ZDHHC2: variants seen among roughly 807,000 people sequenced by gnomAD.
ZDHHC2 encodes zDHHC palmitoyltransferase 2.
In ZDHHC2, 51 loss-of-function variants were observed where a neutral mutation model predicts 55.6. That is an observed-to-expected ratio of 0.92 (90% CI 0.73 to 1.16). The LOEUF (loss-of-function observed/expected upper bound fraction) is 1.16. ZDHHC2 is among the 50% of genes most tolerant of loss of function. ZDHHC2 has a pLI of 0.00. For synonymous variants in ZDHHC2, 199 were observed against 152.9 expected (o/e 1.30, Z -2.22); for missense variants, 491 against 442.4 (o/e 1.11, Z -0.99).
At chr8:17,163,763 C>T (rs1362737930) in intron 1 of ZDHHC2, among the ~76,000 whole-genome samples, 1 of 152,064 alleles carries the variant, frequency 6.6e-6, no homozygotes, top group Admixed American at 6.5e-5. Flanking sequence ...GGCATAGATT[C>T]TTAATGCTGT....
chr8:17,203,329 C>T (rs2150935617), intron 6 of ZDHHC2, among the ~76,000 whole-genome samples: 1 of 152,288 alleles, frequency 6.6e-6, no homozygotes, highest in South Asian at 2.1e-4. Context: ...CTCCTGGGTT[C>T]AAGTGCTTCT....
intron 6 of ZDHHC2, among the ~76,000 whole-genome samples, chr8:17,203,035 CATT>C: frequency 6.8e-6 from 1 of 147,940 alleles, no homozygotes; most frequent in South Asian, 2.2e-4. Flanking sequence ...GTCCACAAGT[CATT>C]ATTTACACCC....
At chr8:17,158,949 T>G (rs1427116487) in intron 1 of ZDHHC2, among the ~76,000 whole-genome samples, 1 of 152,252 alleles carries the variant, frequency 6.6e-6, no homozygotes, top group Non-Finnish European at 1.5e-5. Flanking sequence ...ATATTTTTAT[T>G]GCTGTAGAAA....
Position 17,223,647 on chromosome 8 carries a change from A to G in ZDHHC2, c.*3426A>G, listed in dbSNP as rs1262880728. The stretch of plus-strand genomic sequence containing the variant: ...GTCTTGGTAAAAATTCCTAGATTCT[A>G]CTTTTTATTGCAAGTGTTAGCAATA... On this transcript the variant is annotated 3_prime_UTR_variant, in exon 13 of 13. Transcript: ENST00000262096. 6.6e-6 allele frequency: 1 copy of G among 151,758 alleles called. No individual in the cohort carries two copies. The highest frequency in any genetic ancestry group is 1.5e-5 in the Non-Finnish European group (1 of 67,750). 9.4% of individuals were successfully genotyped at this position (151,758 alleles called of 1,614,324 possible).
At chr8:17,186,857 C>T (rs999416799) in intron 3 of ZDHHC2, among the ~76,000 whole-genome samples, 1 of 152,224 alleles carries the variant, frequency 6.6e-6, no homozygotes, top group Non-Finnish European at 1.5e-5. Context: ...AGCTAGTCCA[C>T]AGCTTCCAGG....
In ZDHHC2 at chr8:17,208,103, A is replaced by G; in HGVS notation, c.730+11A>G. 6.4e-7 allele frequency: 1 copy of G among 1,550,914 alleles called. No individual in the cohort carries two copies. The highest frequency in any genetic ancestry group is 8.7e-7 in the Non-Finnish European group (1 of 1,145,860). ...ATAAATCTACATTAGGTGAGTATCC[A>G]ATTATTGTAGTTGACAGAACTTTAA... On this transcript the variant is annotated intron_variant, in intron 8 of 12. Transcript: ENST00000262096.
chr8:17,168,691 C>T (rs1265832037), intron 1 of ZDHHC2, among the ~76,000 whole-genome samples: 1 of 152,028 alleles, frequency 6.6e-6, no homozygotes, highest in Non-Finnish European at 1.5e-5. Context: ...ATTCTACTTT[C>T]TGCCTCCGTG....
chr8:17,187,278 C>G (rs996222197), intron 3 of ZDHHC2, among the ~76,000 whole-genome samples: 12 of 152,134 alleles, frequency 7.9e-5, no homozygotes, highest in African/African-American at 2.9e-4. Flanking sequence ...GATCATGCAT[C>G]CTGGTTAAAC....
At chr8:17,172,961 T>A (rs1252181465) in intron 1 of ZDHHC2, among the ~76,000 whole-genome samples, 1 of 152,176 alleles carries the variant, frequency 6.6e-6, no homozygotes, top group East Asian at 1.9e-4. Flanking sequence ...AATATTTGAA[T>A]TTTTTGTATC....
intron 1 of ZDHHC2, among the ~76,000 whole-genome samples, chr8:17,168,599 C>T (rs1804714670): frequency 1.3e-5 from 2 of 152,190 alleles, no homozygotes; most frequent in Admixed American, 1.3e-4. Context: ...CATTTTCCAA[C>T]TTTGTCATCT....
intron 1 of ZDHHC2, 97 bp downstream of exon 1, chr8:17,156,950 G>A (rs2150869729): frequency 1.7e-6 from 2 of 1,186,878 alleles, no homozygotes; most frequent in African/African-American, 1.6e-5. Flanking sequence ...CCCCCCGGAT[G>A]CGCCCCGGGC....
chr8:17,193,257 A>C (rs536887786), intron 3 of ZDHHC2, among the ~76,000 whole-genome samples: 59 of 152,332 alleles, frequency 3.9e-4, no homozygotes, highest in African/African-American at 1.4e-3. Context: ...CCCCAATCCC[A>C]GTAATACTGT....
At chr8:17,219,168 T>G (rs1807788068) in intron 12 of ZDHHC2, among the ~76,000 whole-genome samples, 1 of 140,138 alleles carries the variant, frequency 7.1e-6, no homozygotes, top group African/African-American at 2.6e-5. Flanking sequence ...GAGAATTGCT[T>G]GAACCCAGAA....
chr8:17,169,720 A>C (rs1434263706), intron 1 of ZDHHC2, among the ~76,000 whole-genome samples: 1 of 152,210 alleles, frequency 6.6e-6, no homozygotes, highest in Non-Finnish European at 1.5e-5. Context: ...AAATGATTTT[A>C]GTAAGAGAAA....
rs145558261 is a variant in ZDHHC2, at chr8:17,215,107, C to T, written c.951-130C>T. 36 of 698,866 alleles carry T rather than the reference C, an allele frequency of 5.2e-5. No individual in the cohort carries two copies. In the East Asian group the frequency reaches 7.6e-4, roughly 15 times the overall value. 43.3% of individuals were successfully genotyped at this position (698,866 alleles called of 1,614,324 possible). A position where few individuals can be genotyped will look rare whatever the true frequency, so the allele number is the denominator to read the frequency against. ...TAATGTCTTATTCTTGTATTCCCCACGTTATTTTGGGTACCTCCTGCATCA... is the reference window on the plus strand; with the variant it reads ...TAATGTCTTATTCTTGTATTCCCCATGTTATTTTGGGTACCTCCTGCATCA... On this transcript the variant is annotated intron_variant, in intron 10 of 12. Transcript: ENST00000262096.
intron 7 of ZDHHC2, 49 bp downstream of exon 7, chr8:17,205,824 A>T: frequency 1.3e-6 from 2 of 1,531,668 alleles, no homozygotes; most frequent in Non-Finnish European, 1.8e-6. Context: ...ATAATAGATA[A>T]TATAGGCTTT....
In ZDHHC2 at chr8:17,223,934, G is replaced by A. The variant is rs1356091964; in HGVS notation, c.*3713G>A. On this transcript the variant is annotated 3_prime_UTR_variant, in exon 13 of 13. Coordinates refer to ENST00000262096, the MANE Select transcript of ZDHHC2 (RefSeq NM_016353.5). ...ATCACTGAAAGGATGAAATCAAGTAGGCTTGTTTCAAAGAGACTCCTGTGA... is the reference window on the plus strand; with the variant it reads ...ATCACTGAAAGGATGAAATCAAGTAAGCTTGTTTCAAAGAGACTCCTGTGA... The A allele has an allele frequency of 1.3e-5, 2 of 151,662 alleles. No individual in the cohort carries two copies. The highest frequency in any genetic ancestry group is 4.8e-5 in the African/African-American group (2 of 41,376). 9.4% of individuals were successfully genotyped at this position (151,662 alleles called of 1,614,324 possible).
Position 17,222,742 on chromosome 8 carries a change from TTATCTGTCTATAAGAAA to T in ZDHHC2, c.*2522_*2538del, listed in dbSNP as rs1807973949. 1 of 1,814 alleles carries T rather than the reference TTATCTGTCTATAAGAAA, an allele frequency of 5.5e-4. No individual in the cohort carries two copies. Among genetic ancestry groups the T allele is most frequent in the Non-Finnish European group, 2.3e-3 (1 of 440 alleles). 0.1% of individuals were successfully genotyped at this position (1,814 alleles called of 1,614,324 possible). A position where few individuals can be genotyped will look rare whatever the true frequency, so the allele number is the denominator to read the frequency against. ...CTAATAAAGTGGTTGATCACCTACA[TTATCTGTCTATAAGAAA>T]CTGCCTTTGCACTGACAATGTAAAT... On this transcript the variant is annotated 3_prime_UTR_variant, in exon 13 of 13. Coordinates refer to ENST00000262096, the MANE Select transcript of ZDHHC2 (RefSeq NM_016353.5).
chr8:17,223,084 G>A lies in ZDHHC2; in HGVS notation c.*2863G>A, dbSNP rs1190926236. On this transcript the variant is annotated 3_prime_UTR_variant, in exon 13 of 13. Transcript: ENST00000262096. ...CGCAATCATGTGATTCATGCTTCAA[G>A]AAAATATATGAAAAAAGTGTTACTC... 6.6e-6 allele frequency: 1 copy of A among 151,816 alleles called. No homozygotes were observed. Among genetic ancestry groups the A allele is most frequent in the Admixed American group, 6.6e-5 (1 of 15,216 alleles). The allele number at this position is 151,816 out of a possible 1,614,324, so 9.4% of individuals were successfully genotyped here. A position where few individuals can be genotyped will look rare whatever the true frequency, so the allele number is the denominator to read the frequency against.
Sources: gnomAD v4.1 joint callset for allele counts (sites outside exome capture counted in the v4.1 genomes callset) on GRCh38, gnomAD v4.1.1 for gene constraint, MANE v1.5 for transcripts, NCBI Gene and HGNC (gene_info 2026-07-23, HGNC 2026-07-21) for gene names.